Variants in KLHL12 observed in about 807,000 individuals in gnomAD.
KLHL12 encodes kelch-like protein 12.
A neutral mutation model predicts 60.8 loss-of-function variants in KLHL12; 17 were observed. That is an observed-to-expected ratio of 0.28 (90% confidence interval 0.19 to 0.42). The LOEUF is 0.42. Among genes scored for constraint, KLHL12 ranks in the 10% least tolerant of loss-of-function variants. The pLI is 1.00. For synonymous variants in KLHL12, 220 were observed against 250.9 expected (o/e 0.88, Z 1.16); for missense variants, 468 against 722.3 (o/e 0.65, Z 4.04).
upstream of KLHL12, among the ~76,000 whole-genome samples, chr1:202,927,519 CAAA>C (rs869139683): frequency 2.3e-4 from 12 of 52,798 alleles, no homozygotes; most frequent in East Asian, 1.7e-3. Context: ...CCCGTTTCTA[CAAA>C]AAAAAAAAAA....
chr1:202,922,029 TAATA>T (rs1335569002), intron 2 of KLHL12, among the ~76,000 whole-genome samples: 4 of 152,230 alleles, frequency 2.6e-5, no homozygotes, highest in Non-Finnish European at 5.9e-5. Context: ...TAAATGCATT[TAATA>T]ATTATGGTAC....
intron 1 of KLHL12, among the ~76,000 whole-genome samples, chr1:202,926,867 G>T (rs1200431413): frequency 6.6e-6 from 1 of 152,200 alleles, no homozygotes; most frequent in Non-Finnish European, 1.5e-5. Context: ...CAGGCATATG[G>T]CCGCCACCGC....
At chr1:202,926,227 G>A (rs772893807) in intron 1 of KLHL12, among the ~76,000 whole-genome samples, 2 of 152,022 alleles carry the variant, frequency 1.3e-5, no homozygotes, top group African/African-American at 2.4e-5. Context: ...TCAACAAGAG[G>A]GTATTCCTAC....
At chr1:202,902,232 C>T (rs1009972850) in intron 6 of KLHL12, among the ~76,000 whole-genome samples, 1 of 152,052 alleles carries the variant, frequency 6.6e-6, no homozygotes, top group South Asian at 2.1e-4. Context: ...GAGTTCGAGA[C>T]CAGCCTGGCC....
In KLHL12 at chr1:202,895,392, T is replaced by G. The variant is rs893445928; in HGVS notation, c.1135+130A>C. On this transcript the variant is annotated intron_variant, in intron 8 of 11. Coordinates refer to ENST00000367261, the MANE Select transcript of KLHL12 (RefSeq NM_021633.4). The surrounding 1 kb of genome is among the most constrained non-coding windows in gnomAD (Gnocchi z 4.2). ...CTGGGCAACAGAGAGAGACCCTGTC[T>G]CAAATAATAATAACATTTGACCTTA... 1.3e-6 allele frequency: 1 copy of G among 799,180 alleles called. No homozygotes were observed. The highest frequency in any genetic ancestry group is 1.8e-5 in the African/African-American group (1 of 57,122). 49.5% of individuals were successfully genotyped at this position (799,180 alleles called of 1,614,324 possible). A position where few individuals can be genotyped will look rare whatever the true frequency, so the allele number is the denominator to read the frequency against.
intron 4 of KLHL12, among the ~76,000 whole-genome samples, chr1:202,914,227 C>T (rs1347470155): frequency 1.3e-5 from 2 of 152,168 alleles, no homozygotes; most frequent in Admixed American, 1.3e-4. Context: ...ATTATCCTGG[C>T]TACTGTGGGT....
chr1:202,911,156 C>T lies in KLHL12; in HGVS notation c.615G>A (p.Lys205=). 6.2e-7 allele frequency: 1 copy of T among 1,614,144 alleles called. No individual in the cohort carries two copies. The highest frequency in any genetic ancestry group is 1.1e-5 in the South Asian group (1 of 91,070). ...ATTCTTCCCGCTCTTTCTTGGCATG[C>T]TTCACCCAGTTGATGACAGCCTCAA... ...PVFEAVINWV[K]HAKKEREESL... is the part of the protein sequence containing the mutation. The change falls in exon 5 of 12, where the codon AAG becomes AAA. Residue 205 remains lysine (K), a synonymous_variant. Transcript: ENST00000367261.
chr1:202,903,698 C>T (rs1244959910), intron 6 of KLHL12, among the ~76,000 whole-genome samples: 1 of 136,648 alleles, frequency 7.3e-6, no homozygotes, highest in Non-Finnish European at 1.5e-5. Context: ...TCTTGGCTCA[C>T]TGCAACCTCT....
In KLHL12 at chr1:202,900,080, G is replaced by C. The variant is rs147627650; in HGVS notation, c.833-3120C>G. Among the ~76,000 whole-genome samples, 4 of 152,202 alleles carry C rather than the reference G, an allele frequency of 2.6e-5. No individual in the cohort carries two copies. The East Asian group carries it at 7.7e-4, about 29-fold the overall frequency. On this transcript the variant is annotated intron_variant, in intron 6 of 11. Coordinates refer to ENST00000367261, the MANE Select transcript of KLHL12 (RefSeq NM_021633.4). ...TCTATCCAAACACATTTCCCATGTA[G>C]ATGAATATGCCAGCAGATGATGTAT...
In KLHL12 at chr1:202,894,407, T is replaced by C. The variant is rs1030847127; in HGVS notation, c.1295-125A>G. 3.4e-6 allele frequency: 3 copies of C among 894,938 alleles called. No homozygotes were observed. The African/African-American group carries it at 5.0e-5, about 15-fold the overall frequency. 55.4% of individuals were successfully genotyped at this position (894,938 alleles called of 1,614,324 possible). Reference sequence around the variant, plus strand: ...TTTCCCACAAGAGTTCCAATAACTCTAAGAGAAATCTGACATTATGCTTAT... The same window carrying C: ...TTTCCCACAAGAGTTCCAATAACTCCAAGAGAAATCTGACATTATGCTTAT... On this transcript the variant is annotated intron_variant, in intron 9 of 11. Transcript: ENST00000367261.
At chr1:202,922,765 C>A (rs574136835) in intron 2 of KLHL12, among the ~76,000 whole-genome samples, 5 of 151,996 alleles carry the variant, frequency 3.3e-5, no homozygotes, top group African/African-American at 1.2e-4. Flanking sequence ...GGATTACAGG[C>A]GTGAGCCACC....
intron 6 of KLHL12, among the ~76,000 whole-genome samples, chr1:202,897,304 C>T (rs1659872658): frequency 7.1e-6 from 1 of 141,496 alleles, no homozygotes; most frequent in South Asian, 2.2e-4. Context: ...TCCATGATCT[C>T]GGCTCACCAC....
At chr1:202,923,590 T>C (rs1337782611) in intron 2 of KLHL12, among the ~76,000 whole-genome samples, 1 of 152,184 alleles carries the variant, frequency 6.6e-6, no homozygotes, top group Non-Finnish European at 1.5e-5. Context: ...AGTTACAAAC[T>C]GTTTGGGCTT....
intron 3 of KLHL12, 63 bp from the exon 4 acceptor site, chr1:202,918,451 T>C: frequency 8.1e-7 from 1 of 1,240,004 alleles, no homozygotes; most frequent in African/African-American, 1.5e-5. Context: ...TAGGATATAT[T>C]CTTGTATCTC....
chr1:202,921,901 C>T (rs1660706181), intron 2 of KLHL12, among the ~76,000 whole-genome samples: 1 of 152,118 alleles, frequency 6.6e-6, no homozygotes, highest in Non-Finnish European at 1.5e-5. Context: ...AAGCCAAGAA[C>T]AAAATCAATC....
intron 6 of KLHL12, among the ~76,000 whole-genome samples, chr1:202,901,132 G>C (rs1428561428): frequency 6.6e-6 from 1 of 152,166 alleles, no homozygotes; most frequent in African/African-American, 2.4e-5. Flanking sequence ...AAGTAGAAAG[G>C]AAATAGATTA....
At chr1:202,898,153 C>T (rs937371145) in intron 6 of KLHL12, among the ~76,000 whole-genome samples, 1 of 152,192 alleles carries the variant, frequency 6.6e-6, no homozygotes, top group East Asian at 1.9e-4. Flanking sequence ...ATACTCCTGC[C>T]TTAGCCTCCC....
chr1:202,894,763 A>G lies in KLHL12; in HGVS notation c.1136-14T>C. On this transcript the variant is annotated splice_polypyrimidine_tract_variant and intron_variant, in intron 8 of 11. Coordinates refer to ENST00000367261, the MANE Select transcript of KLHL12 (RefSeq NM_021633.4). Reference sequence around the variant, plus strand: ...CATAGATCATATCTGCTCAGAATAAACAAATTACAGACTATTAGAGAATGA... The same window carrying G: ...CATAGATCATATCTGCTCAGAATAAGCAAATTACAGACTATTAGAGAATGA... 1 of 1,607,700 alleles carries G rather than the reference A, an allele frequency of 6.2e-7. No homozygotes were observed.
intron 4 of KLHL12, chr1:202,911,797 C>G: frequency 1.4e-6 from 1 of 704,254 alleles, no homozygotes; most frequent in Non-Finnish European, 2.5e-6. Context: ...TAAAGTCTCT[C>G]TCCTCCCTGC....
Sources: allele counts gnomAD v4.1 joint callset (sites outside exome capture counted in the v4.1 genomes callset), GRCh38; gene constraint gnomAD v4.1.1; non-coding constraint Gnocchi (gnomAD v3.1); transcripts MANE v1.5; gene names NCBI Gene and HGNC (gene_info 2026-07-23, HGNC 2026-07-21).